Variants in PTPRF observed in about 807,000 individuals in gnomAD.
PTPRF encodes protein tyrosine phosphatase receptor type F, also known as receptor-type tyrosine-protein phosphatase F.
Under a neutral mutation model 201.8 loss-of-function variants are expected in PTPRF, and 59 were observed. That is an observed-to-expected ratio of 0.29 (90% CI 0.24 to 0.36). PTPRF has a LOEUF of 0.36. Among genes scored for constraint, PTPRF ranks in the 10% least tolerant of loss-of-function variants. The pLI, the probability that PTPRF is intolerant of heterozygous loss-of-function variation, is 1.00. For synonymous variants in PTPRF, 1,088 were observed against 1,089.7 expected, an observed-to-expected ratio of 1.00 and a Z score of 0.03; for missense variants, 2,132 against 2,690.5, an observed-to-expected ratio of 0.79 and a Z score of 4.59.
intron 21 of PTPRF, 44 bp downstream of exon 21, chr1:43,607,012 C>A: frequency 6.2e-7 from 1 of 1,603,052 alleles, no homozygotes; most frequent in Non-Finnish European, 8.5e-7. Context: ...ACCTGCCCCT[C>A]GCCTTTCAGG....
intron 1 of PTPRF, among the ~76,000 whole-genome samples, chr1:43,531,587 G>C (rs1328264261): frequency 6.7e-6 from 1 of 149,270 alleles, no homozygotes; most frequent in African/African-American, 2.4e-5. Context: ...GCCGGCGGGG[G>C]ATCCGCAGCC....
chr1:43,590,661 C>T (rs1342917849), intron 8 of PTPRF, among the ~76,000 whole-genome samples: 4 of 152,212 alleles, frequency 2.6e-5, no homozygotes, highest in Non-Finnish European at 5.9e-5. Flanking sequence ...GCAAGGGTCA[C>T]ATCACCTCCA....
rs146318210 is a variant in PTPRF, at chr1:43,603,864, C to T, written c.2712C>T (p.Phe904=). The change falls in exon 16 of 34, where the codon TTC becomes TTT. Residue 904 remains phenylalanine (F), a synonymous_variant. Coordinates refer to ENST00000359947, the MANE Select transcript of PTPRF (RefSeq NM_002840.5). The surrounding 1 kb of genome is among the most constrained non-coding windows in gnomAD (Gnocchi z 5.8). ...ACCGGGCTGGCTTGGGTGAGGAGTT[C>T]GAGAAGGAGATCAGGACCCCCGAGG... ...AKNRAGLGEE[F]EKEIRTPEDL... is the part of the protein sequence containing the mutation. The T allele has an allele frequency of 1.4e-4, 233 of 1,613,992 alleles. 1 individual carries two copies. The highest frequency in any genetic ancestry group is 6.6e-4 in the Middle Eastern group (4 of 6,062).
At chr1:43,550,110 C>T (rs1290920184) in intron 3 of PTPRF, among the ~76,000 whole-genome samples, 1 of 141,550 alleles carries the variant, frequency 7.1e-6, no homozygotes, top group East Asian at 2.5e-4. Context: ...GCCTGCCTGT[C>T]TGGTCCCCCG....
At chr1:43,559,527 G>A (rs1645639147) in intron 5 of PTPRF, among the ~76,000 whole-genome samples, 1 of 151,776 alleles carries the variant, frequency 6.6e-6, no homozygotes, top group African/African-American at 2.4e-5. Flanking sequence ...ATCGGGTAGT[G>A]TGTGTGTGTT....
chr1:43,620,932 G>T lies in PTPRF; in HGVS notation c.5459G>T (p.Gly1820Val). The change falls in exon 32 of 34, where the codon GGG becomes GTG. Residue 1820 changes from glycine (G) to valine (V), a missense_variant. Gly to Val is a moderately radical substitution (Grantham distance 109). Transcript: ENST00000359947. ...GGCGAGGGATTCATTGACTTCATCG[G>T]GCAGGTGCATAAGACCAAGGAGCAG... ...KTGEGFIDFI[G>V]QVHKTKEQFG... 1.2e-6 allele frequency: 2 copies of T among 1,614,206 alleles called. No homozygotes were observed. The highest frequency in any genetic ancestry group is 1.7e-6 in the Non-Finnish European group (2 of 1,180,014).
intron 5 of PTPRF, among the ~76,000 whole-genome samples, chr1:43,557,648 A>G (rs965727111): frequency 1.0e-4 from 15 of 144,288 alleles, no homozygotes; most frequent in African/African-American, 2.3e-4. Flanking sequence ...AAAAAAAAAA[A>G]GAGGACCTGC....
intron 5 of PTPRF, among the ~76,000 whole-genome samples, chr1:43,564,005 G>T (rs771928272): frequency 6.6e-6 from 1 of 152,290 alleles, no homozygotes; most frequent in South Asian, 2.1e-4. Flanking sequence ...GGAGGGGGAC[G>T]CCGTGCCTGC....
At chr1:43,605,704 T>G (rs1654928269) in intron 19 of PTPRF, 82 bp downstream of exon 19, 13 of 1,333,110 alleles carry the variant, frequency 9.8e-6, no homozygotes, top group Middle Eastern at 2.4e-4. Flanking sequence ...ACTGTCCCAG[T>G]GACTCTCAGA....
intron 3 of PTPRF, among the ~76,000 whole-genome samples, chr1:43,549,221 G>A (rs2153968169): frequency 6.6e-6 from 1 of 152,340 alleles, no homozygotes; most frequent in Middle Eastern, 3.4e-3. Context: ...AGTCTCAGAA[G>A]TTGTGTTCCG....
intron 1 of PTPRF, among the ~76,000 whole-genome samples, chr1:43,535,384 C>G (rs1202004568): frequency 2.0e-5 from 3 of 152,048 alleles, no homozygotes; most frequent in Admixed American, 2.0e-4. Flanking sequence ...CTCCCTGGGC[C>G]CTGGGCTTCT....
intron 33 of PTPRF, among the ~76,000 whole-genome samples, 167 bp downstream of exon 33, chr1:43,621,399 T>C (rs183692045): frequency 6.6e-5 from 10 of 152,316 alleles, no homozygotes; most frequent in African/African-American, 2.2e-4. Flanking sequence ...TCCTACCTAC[T>C]TGGGAGGTTG....
intron 6 of PTPRF, among the ~76,000 whole-genome samples, chr1:43,574,232 G>A (rs914566267): frequency 1.3e-5 from 2 of 151,788 alleles, no homozygotes; most frequent in Non-Finnish European, 2.9e-5. Flanking sequence ...CGAACCTCGG[G>A]TGATCCGCCC....
intron 23 of PTPRF, among the ~76,000 whole-genome samples, chr1:43,616,501 C>T (rs538739397): frequency 9.2e-5 from 14 of 151,690 alleles, no homozygotes; most frequent in Non-Finnish European, 1.9e-4. Context: ...GGTGGCCTGG[C>T]CCAGGGCAGT....
chr1:43,570,846 G>T (rs915768412), intron 6 of PTPRF, among the ~76,000 whole-genome samples: 1 of 152,236 alleles, frequency 6.6e-6, no homozygotes, highest in East Asian at 1.9e-4. Flanking sequence ...CTGTAGCGCA[G>T]TTAATTAAAA....
chr1:43,560,674 C>T (rs547135417), intron 5 of PTPRF, among the ~76,000 whole-genome samples: 1 of 152,296 alleles, frequency 6.6e-6, no homozygotes, highest in African/African-American at 2.4e-5. Context: ...GGAAGTTCGA[C>T]AGAGTTGGAT....
At chr1:43,540,022 C>G (rs944322607) in intron 2 of PTPRF, among the ~76,000 whole-genome samples, 2 of 152,072 alleles carry the variant, frequency 1.3e-5, no homozygotes, top group African/African-American at 2.4e-5. Flanking sequence ...AGGTCAGGCT[C>G]TAGGCTCAAT....
At chr1:43,570,538 G>A (rs563844876) in intron 6 of PTPRF, among the ~76,000 whole-genome samples, 1 of 152,364 alleles carries the variant, frequency 6.6e-6, no homozygotes, top group East Asian at 1.9e-4. Context: ...GGGCAGGATG[G>A]CCAGTGCCGG....
chr1:43,563,068 C>T (rs1207056757), intron 5 of PTPRF, among the ~76,000 whole-genome samples: 2 of 151,672 alleles, frequency 1.3e-5, no homozygotes, highest in Non-Finnish European at 2.9e-5. Context: ...ATCCCAGCTA[C>T]TCTGGAGGCT....
Sources: allele counts gnomAD v4.1 joint callset (sites outside exome capture counted in the v4.1 genomes callset), GRCh38; gene constraint gnomAD v4.1.1; non-coding constraint Gnocchi (gnomAD v3.1); transcripts MANE v1.5; gene names NCBI Gene and HGNC (gene_info 2026-07-23, HGNC 2026-07-21).